The following AKAP13 variants were observed in gnomAD, a reference collection of about 807,000 sequenced individuals.
AKAP13 encodes the protein A-kinase anchoring protein 13.
A neutral mutation model predicts 264.5 loss-of-function variants in AKAP13; 80 were observed. The observed-to-expected ratio is 0.30, with a 90% CI of 0.25 to 0.36. The LOEUF (loss-of-function observed/expected upper bound fraction) is 0.36. AKAP13 is among the 10% of genes least tolerant of loss of function. The probability of loss-of-function intolerance (pLI) is 1.00; values close to 1 mark genes in which losing one functional copy is unlikely to be tolerated. For synonymous variants in AKAP13, 1,380 were observed against 1,250.2 expected (o/e 1.10, Z -2.19); for missense variants, 3,712 against 3,435.2 (o/e 1.08, Z -2.01).
intron 1 of AKAP13, among the ~76,000 whole-genome samples, chr15:85,432,709 T>C (rs2073075960): frequency 6.6e-6 from 1 of 152,182 alleles, no homozygotes; most frequent in Non-Finnish European, 1.5e-5. Context: ...AAAAAAATGG[T>C]CCATGATCCT....
intron 19 of AKAP13, among the ~76,000 whole-genome samples, chr15:85,712,314 C>T (rs1597144516): frequency 1.3e-5 from 2 of 152,216 alleles, no homozygotes; most frequent in African/African-American, 4.8e-5. Flanking sequence ...TATCCATCTT[C>T]ACACGTAGAT....
chr15:85,651,338 T>G (rs1265623431), intron 10 of AKAP13, among the ~76,000 whole-genome samples: 1 of 152,234 alleles, frequency 6.6e-6, no homozygotes, highest in Non-Finnish European at 1.5e-5. Flanking sequence ...ACTATATATC[T>G]GTCCATCCTT....
At chr15:85,744,502 A>T in intron 36 of AKAP13, 126 bp from the exon 37 acceptor site, 1 of 986,058 alleles carries the variant, frequency 1.0e-6, no homozygotes, top group Admixed American at 1.8e-5. Context: ...CGGTGCGCAG[A>T]AGAGTTAATT....
At chr15:85,410,206 A>G (rs1370368583) in intron 1 of AKAP13, among the ~76,000 whole-genome samples, 1 of 151,374 alleles carries the variant, frequency 6.6e-6, no homozygotes, top group Non-Finnish European at 1.5e-5. Flanking sequence ...CATCATGACC[A>G]TGACTTCCCC....
intron 17 of AKAP13, among the ~76,000 whole-genome samples, chr15:85,693,916 G>A (rs887095897): frequency 1.6e-4 from 25 of 152,186 alleles, no homozygotes; most frequent in African/African-American, 5.5e-4. Flanking sequence ...AAACTATGAT[G>A]TCCAGAAGGT....
chr15:85,393,460 A>T (rs562406121), intron 1 of AKAP13, among the ~76,000 whole-genome samples: 3 of 152,366 alleles, frequency 2.0e-5, no homozygotes, highest in Admixed American at 2.0e-4. Context: ...TTGCTTGGGC[A>T]TTCCTGCCAA....
At chr15:85,441,017 G>A (rs533795609) in intron 1 of AKAP13, among the ~76,000 whole-genome samples, 3 of 152,250 alleles carry the variant, frequency 2.0e-5, no homozygotes, top group South Asian at 2.1e-4. Flanking sequence ...GGTGTCATTC[G>A]AAGGTTTACA....
At chr15:85,444,590 C>G (rs1044424511) in intron 1 of AKAP13, among the ~76,000 whole-genome samples, 14 of 152,102 alleles carry the variant, frequency 9.2e-5, no homozygotes, top group Non-Finnish European at 2.1e-4. Context: ...GGAAGAAAAT[C>G]TGTAAGTGAA....
chr15:85,676,501 C>G (rs2084236662), intron 14 of AKAP13, among the ~76,000 whole-genome samples: 1 of 152,154 alleles, frequency 6.6e-6, no homozygotes, highest in Non-Finnish European at 1.5e-5. Flanking sequence ...TGTGGAACAT[C>G]CACCCACAGG....
chr15:85,461,922 T>G (rs1487647805), intron 1 of AKAP13, among the ~76,000 whole-genome samples: 1 of 152,232 alleles, frequency 6.6e-6, no homozygotes, highest in Non-Finnish European at 1.5e-5. Flanking sequence ...GTAATTTTAT[T>G]AAATGAAATA....
chr15:85,686,301 A>G (rs966552146), intron 16 of AKAP13, among the ~76,000 whole-genome samples: 1 of 152,218 alleles, frequency 6.6e-6, no homozygotes, highest in Non-Finnish European at 1.5e-5. Flanking sequence ...GAATATTGTC[A>G]TAAAAGGGCA....
intron 31 of AKAP13, among the ~76,000 whole-genome samples, 153 bp downstream of exon 31, chr15:85,735,303 C>G (rs978788462): frequency 3.9e-5 from 6 of 152,318 alleles, no homozygotes; most frequent in Admixed American, 2.0e-4. Context: ...CAGTCAGACT[C>G]ATATTCATTT....
Position 85,741,244 on chromosome 15 carries a change from C to T in AKAP13, c.7807C>T (p.Arg2603Cys), listed in dbSNP as rs749633401. ...QYLEEKRRREREWEARERELR... is the reference protein window; with the variant it reads ...QYLEEKRRRECEWEARERELR... ...CCTCGAGGAGAAGCGCAGGCGCGAGCGTGAGTGGGAAGCTCGTGAGAGGGA... is the reference window on the plus strand; with the variant it reads ...CCTCGAGGAGAAGCGCAGGCGCGAGTGTGAGTGGGAAGCTCGTGAGAGGGA... Residue 2603 changes from arginine (R) to cysteine (C), a missense_variant, in exon 35 of 37, where the codon CGT becomes TGT. Transcript: ENST00000394518. 3 of 1,609,140 alleles carry T rather than the reference C, an allele frequency of 1.9e-6. No individual in the cohort carries two copies. Among genetic ancestry groups the T allele is most frequent in the Non-Finnish European group, 2.5e-6 (3 of 1,177,936 alleles).
At position 85,579,875 on chromosome 15, in the gene AKAP13, C is replaced by G; in HGVS notation, c.1807C>G (p.Pro603Ala). ...AKDKISDGLE[P>A]YTLLAAGIGE... ...AGACAAGATTTCAGATGGATTAGAACCTTATACTCTCTTAGCAGCAGGCAT... is the reference window on the plus strand; with the variant it reads ...AGACAAGATTTCAGATGGATTAGAAGCTTATACTCTCTTAGCAGCAGGCAT... The change falls in exon 7 of 37, where the codon CCT becomes GCT. Residue 603 changes from proline to alanine, a missense_variant. Coordinates refer to ENST00000394518, the MANE Select transcript of AKAP13 (RefSeq NM_007200.5). The G allele has an allele frequency of 6.2e-7, 1 of 1,614,172 alleles. No homozygotes were observed. The highest frequency in any genetic ancestry group is 8.5e-7 in the Non-Finnish European group (1 of 1,180,044).
At chr15:85,699,016 T>C (rs2085745273) in intron 17 of AKAP13, among the ~76,000 whole-genome samples, 1 of 150,828 alleles carries the variant, frequency 6.6e-6, no homozygotes. Flanking sequence ...AGGACCATAG[T>C]GTGCCAAGCC....
At chr15:85,697,952 T>TA (rs565069960) in intron 17 of AKAP13, among the ~76,000 whole-genome samples, 398 of 152,310 alleles carry the variant, frequency 2.6e-3, no homozygotes, top group African/African-American at 8.0e-3. Context: ...CTGTGTTTGA[T>TA]ATGTGATTCA....
At chr15:85,720,725 A>G (rs1222490611) in intron 23 of AKAP13, among the ~76,000 whole-genome samples, 1 of 152,158 alleles carries the variant, frequency 6.6e-6, no homozygotes, top group Non-Finnish European at 1.5e-5. Context: ...TGAGAATTGT[A>G]AATTTTGTCT....
At chr15:85,534,106 A>G (rs2077318311) in intron 4 of AKAP13, 1 of 468,636 alleles carries the variant, frequency 2.1e-6, no homozygotes, top group African/African-American at 2.0e-5. Context: ...TTACCCAAGG[A>G]GAGTGGCACG....
In AKAP13 at chr15:85,693,306, G is replaced by GGAGAAGGAGAAAGATTCTAAA. The variant is rs1406030557; in HGVS notation, c.5322_5342dup (p.Glu1774_Lys1780dup). The GGAGAAGGAGAAAGATTCTAAA allele has an allele frequency of 2.5e-6, 4 of 1,605,508 alleles. No individual in the cohort carries two copies. The highest frequency in any genetic ancestry group is 3.4e-6 in the Non-Finnish European group (4 of 1,178,040). The stretch of plus-strand genomic sequence containing the variant: ...AGGAAAAAGAAAAAGATAAGATTAA[G>GGAGAAGGAGAAAGATTCTAAA]GAGAAGGAGAAAGATTCTAAAGACA... On this transcript the variant is annotated inframe_insertion, in exon 17 of 37. Transcript: ENST00000394518.
Sources: gnomAD v4.1 joint callset for allele counts (sites outside exome capture counted in the v4.1 genomes callset) on GRCh38, gnomAD v4.1.1 for gene constraint, MANE v1.5 for transcripts, NCBI Gene and HGNC (gene_info 2026-07-23, HGNC 2026-07-21) for gene names.